The following MED16 variants were observed in gnomAD, a reference collection of about 807,000 sequenced individuals.
The protein encoded by MED16 is mediator of RNA polymerase II transcription subunit 16.
In MED16, 81 loss-of-function variants were observed where a neutral mutation model predicts 84.4. The observed-to-expected ratio is 0.96, with a 90% CI of 0.80 to 1.15. The LOEUF is 1.15. Among genes scored for constraint, MED16 ranks in the 50% most tolerant of loss-of-function variants. MED16 has a pLI of 0.00. For synonymous variants in MED16, 897 were observed against 552.2 expected, an observed-to-expected ratio of 1.62 and a Z score of -8.76; for missense variants, 1,585 against 1,245.9, an observed-to-expected ratio of 1.27 and a Z score of -4.10.
intron 12 of MED16, chr19:871,724 G>T: frequency 1.7e-6 from 2 of 1,165,998 alleles, no homozygotes; most frequent in Admixed American, 1.9e-5. Flanking sequence ...ATGTTCTGGC[G>T]GGGGGCTCAG....
In MED16 at chr19:890,092, G is replaced by A. The variant is rs112050406; in HGVS notation, c.277+45C>T. 3.7e-3 allele frequency: 5,317 copies of A among 1,425,574 alleles called. 141 individuals carry two copies. In the African/African-American group the frequency reaches 0.065, roughly 17 times the overall value. The allele number at this position is 1,425,574 out of a possible 1,614,324, so 88.3% of individuals were successfully genotyped here. A position where few individuals can be genotyped will look rare whatever the true frequency, so the allele number is the denominator to read the frequency against. On this transcript the variant is annotated intron_variant, in intron 3 of 15. Transcript: ENST00000325464. The stretch of plus-strand genomic sequence containing the variant: ...GAGAAACACAGGGCCCCCCTGCTCC[G>A]GGATCCGGGTCGCCACCCCTGGCCA...
At chr19:881,248 G>A (rs2036417029) in intron 7 of MED16, among the ~76,000 whole-genome samples, 1 of 152,230 alleles carries the variant, frequency 6.6e-6, no homozygotes, top group South Asian at 2.1e-4. Flanking sequence ...AGCACAGAGA[G>A]GACACATGCC....
chr19:883,127 G>C (rs757928487), intron 6 of MED16, among the ~76,000 whole-genome samples: 2 of 152,234 alleles, frequency 1.3e-5, no homozygotes, highest in Admixed American at 6.5e-5. Flanking sequence ...TGACGGCTGC[G>C]GTCAGCATTC....
chr19:870,670 G>A (rs770321904), intron 13 of MED16, among the ~76,000 whole-genome samples: 1 of 151,988 alleles, frequency 6.6e-6, no homozygotes, highest in South Asian at 2.1e-4. Context: ...TGGAGTTAGG[G>A]GCACCTAGAA....
chr19:889,883 G>C (rs972435636), intron 3 of MED16, 76 bp from the exon 4 acceptor site: 1 of 1,490,416 alleles, frequency 6.7e-7, no homozygotes, highest in African/African-American at 1.4e-5. Context: ...CACAGCGCCT[G>C]GGGGAAGCCA....
In MED16 at chr19:872,103, G is replaced by A. The variant is rs746447561; in HGVS notation, c.1921C>T (p.Pro641Ser). ...SLPNQGSLLR[P>S]GHSFLRDGTS... ...CCGTCCCGCAGAAAGCTGTGGCCCG[G>A]CCTCAGCAGGGAACCCTGCCCGAAA... Residue 641 changes from proline to serine, a missense_variant, in exon 12 of 16, where the codon CCG (proline) becomes TCG (serine). Pro to Ser is a moderately conservative substitution (Grantham distance 74, BLOSUM62 -1). Transcript: ENST00000325464. 26 of 1,605,584 alleles carry A rather than the reference G, an allele frequency of 1.6e-5. No homozygotes were observed. The highest frequency in any genetic ancestry group is 4.4e-5 in the South Asian group (4 of 90,444).
chr19:883,484 C>T (rs1568330081), intron 6 of MED16, among the ~76,000 whole-genome samples: 6 of 126,062 alleles, frequency 4.8e-5, no homozygotes, highest in Non-Finnish European at 1.0e-4. Flanking sequence ...ATGGTGGGCA[C>T]GTGGGGCGGT....
rs117962128 is a variant in MED16 at position 884,994 on chromosome 19, C to T, written c.894G>A (p.Ala298=). ...RDMSEQVLLC[A]SSQTSSIVEC... is the part of the protein sequence containing the mutation. ...CCACGATGCTGCTGGTCTGGCTGGACGCGCACAAAAGCACCTGCGGGGGAG... is the reference window on the plus strand; with the variant it reads ...CCACGATGCTGCTGGTCTGGCTGGATGCGCACAAAAGCACCTGCGGGGGAG... Residue 298 remains alanine (A), a synonymous_variant, in exon 6 of 16, where the codon GCG becomes GCA. Coordinates refer to ENST00000325464, the MANE Select transcript of MED16 (RefSeq NM_005481.3). 9.7e-4 allele frequency: 1,552 copies of T among 1,603,234 alleles called. 2 individuals carry two copies. Among genetic ancestry groups the T allele is most frequent in the Non-Finnish European group, 1.3e-3 (1,472 of 1,177,544 alleles).
intron 8 of MED16, among the ~76,000 whole-genome samples, chr19:878,777 T>C (rs1412231325): frequency 9.1e-5 from 8 of 87,806 alleles, no homozygotes; most frequent in Non-Finnish European, 1.1e-4. Context: ...CTTCCCCTGG[T>C]TGTCAATGCC....
Position 872,247 on chromosome 19 carries a change from G to A in MED16, c.1906-129C>T, listed in dbSNP as rs969480340. On this transcript the variant is annotated intron_variant, in intron 11 of 15. Transcript: ENST00000325464. ...GGGTCTGGGACATTTGTGGTGGTCA[G>A]GACTGGGGTGCTTCTGGCACCGAGT... The A allele has an allele frequency of 4.0e-6, 3 of 742,400 alleles. No homozygotes were observed. The African/African-American group carries it at 5.3e-5, about 13-fold the overall frequency. 46.0% of individuals were successfully genotyped at this position (742,400 alleles called of 1,614,324 possible).
intron 6 of MED16, among the ~76,000 whole-genome samples, chr19:884,606 C>T (rs905144337): frequency 1.3e-5 from 2 of 152,226 alleles, no homozygotes. Context: ...CAGCCCCTCA[C>T]GGTGTCCCCG....
At chr19:869,083 A>T (rs2145184638) in intron 13 of MED16, 137 bp from the exon 14 acceptor site, 1 of 751,466 alleles carries the variant, frequency 1.3e-6, no homozygotes, top group East Asian at 3.0e-5. Flanking sequence ...GATGTCTGTG[A>T]ACAGTGAGGT....
chr19:887,722 G>A (rs1236406667), intron 4 of MED16, among the ~76,000 whole-genome samples: 1 of 152,062 alleles, frequency 6.6e-6, no homozygotes, highest in African/African-American at 2.4e-5. Flanking sequence ...GCCACAGCGG[G>A]GATGCACCTT....
At position 886,260 on chromosome 19, in the gene MED16, AC is replaced by A. The variant is rs2036525446; in HGVS notation, c.448-60del. 5.8e-6 allele frequency: 8 copies of A among 1,378,146 alleles called. No homozygotes were observed. The Admixed American group carries it at 8.3e-5, about 14-fold the overall frequency. The allele number at this position is 1,378,146 out of a possible 1,614,324, so 85.4% of individuals were successfully genotyped here. On this transcript the variant is annotated intron_variant, in intron 4 of 15. Coordinates refer to ENST00000325464, the MANE Select transcript of MED16 (RefSeq NM_005481.3). The stretch of plus-strand genomic sequence containing the variant: ...TCAGGCTCATGGGGGCTGCCCCATG[AC>A]CCCCAGAAACACGCGCACAGAAGAA...
intron 12 of MED16, 32 bp from the exon 13 acceptor site, chr19:871,285 C>T: frequency 6.6e-7 from 1 of 1,516,032 alleles, no homozygotes. Flanking sequence ...GTCTCAGCAC[C>T]CCTGACTGGG....
chr19:874,571 G>C (rs1052943528), intron 10 of MED16, among the ~76,000 whole-genome samples: 1 of 152,150 alleles, frequency 6.6e-6, no homozygotes, highest in Non-Finnish European at 1.5e-5. Flanking sequence ...ACGGAAGGAG[G>C]AGCAGACCTG....
At chr19:870,179 G>T (rs541756444) in intron 13 of MED16, among the ~76,000 whole-genome samples, 78 of 152,190 alleles carry the variant, frequency 5.1e-4, no homozygotes, top group Non-Finnish European at 1.1e-3. Flanking sequence ...GGGATCTACG[G>T]CGAGGCCTGA....
intron 1 of MED16, among the ~76,000 whole-genome samples, chr19:891,531 C>T (rs528462911): frequency 6.6e-6 from 1 of 152,178 alleles, no homozygotes; most frequent in Non-Finnish European, 1.5e-5. Context: ...TAGCTCTCTC[C>T]CGAAGGAAGA....
rs769010211 is a variant in MED16 at position 884,995 on chromosome 19, G to A, written c.893C>T (p.Ala298Val). 1.4e-5 allele frequency: 22 copies of A among 1,602,084 alleles called. No individual in the cohort carries two copies. The highest frequency in any genetic ancestry group is 2.2e-5 in the East Asian group (1 of 44,652). Residue 298 changes from alanine to valine, a missense_variant, in exon 6 of 16, where the codon GCG becomes GTG. Coordinates refer to ENST00000325464, the MANE Select transcript of MED16 (RefSeq NM_005481.3). The part of the protein sequence containing the change: ...RDMSEQVLLC[A>V]SSQTSSIVEC... Reference sequence around the variant, plus strand: ...CACGATGCTGCTGGTCTGGCTGGACGCGCACAAAAGCACCTGCGGGGGAGG... The same window carrying A: ...CACGATGCTGCTGGTCTGGCTGGACACGCACAAAAGCACCTGCGGGGGAGG...
Sources: gnomAD v4.1 joint callset for allele counts (sites outside exome capture counted in the v4.1 genomes callset) on GRCh38, gnomAD v4.1.1 for gene constraint, MANE v1.5 for transcripts, NCBI Gene and HGNC (gene_info 2026-07-23, HGNC 2026-07-21) for gene names.